GAPVD1: variants seen among roughly 807,000 people sequenced by gnomAD.
GAPVD1 encodes the protein GTPase activating protein and VPS9 domains 1, also known as GTPase-activating protein and VPS9 domain-containing protein 1.
A neutral mutation model predicts 155.5 loss-of-function variants in GAPVD1; 35 were observed. That is an observed-to-expected ratio of 0.23 (90% CI 0.17 to 0.30). The LOEUF (loss-of-function observed/expected upper bound fraction) is 0.30, where lower values mean the gene tolerates loss of function less well. GAPVD1 is among the 10% of genes least tolerant of loss of function. GAPVD1 has a pLI of 1.00. For synonymous variants in GAPVD1, 636 were observed against 619.7 expected (o/e 1.03, Z -0.39); for missense variants, 1,429 against 1,775.7 (o/e 0.80, Z 3.51).
chr9:125,298,978 T>C lies in GAPVD1; in HGVS notation c.57T>C (p.Tyr19=). 1.2e-6 allele frequency: 2 copies of C among 1,612,486 alleles called. No homozygotes were observed. The highest frequency in any genetic ancestry group is 1.7e-6 in the Non-Finnish European group (2 of 1,178,800). ...LAHHLKQERL[Y]VNSEKQLIQR... is the part of the protein sequence containing the mutation. ...ATCACCTCAAGCAGGAACGCTTATA[T>C]GTAAACTCTGAGAAACAGCTCATTC... Residue 19 remains tyrosine (Y), a synonymous_variant, in exon 4 of 28, where the codon TAT becomes TAC. Transcript: ENST00000297933.
chr9:125,356,009 A>G, intron 25 of GAPVD1, 152 bp downstream of exon 25: 1 of 619,752 alleles, frequency 1.6e-6, no homozygotes, highest in Middle Eastern at 4.2e-4. Flanking sequence ...TTACATGATC[A>G]CAAAGAATAA....
At chr9:125,305,371 GTT>G (rs34474690) in intron 6 of GAPVD1, among the ~76,000 whole-genome samples, 5,445 of 111,756 alleles carry the variant, frequency 0.049, 183 homozygotes, top group African/African-American at 0.17. Context: ...ATTTTAAAAA[GTT>G]TTTTTTTTTT....
In GAPVD1 at chr9:125,323,779, A is replaced by C; in HGVS notation, c.1733-19A>C. On this transcript the variant is annotated intron_variant, in intron 10 of 27. Coordinates refer to ENST00000297933, the MANE Select transcript of GAPVD1 (RefSeq NM_001282680.3). ...TGACTGTTTTAAAAAGATTGCTCAC[A>C]CTATAAACATTTCTCTAGGTCCTTC... is the stretch of plus-strand genomic sequence containing the variant. 1.2e-6 allele frequency: 2 copies of C among 1,613,010 alleles called. No individual in the cohort carries two copies. Among genetic ancestry groups the C allele is most frequent in the East Asian group, 2.2e-5 (1 of 44,848 alleles).
intron 19 of GAPVD1, chr9:125,346,521 G>C: frequency 4.7e-6 from 2 of 423,534 alleles, no homozygotes; most frequent in Non-Finnish European, 8.8e-6. Flanking sequence ...ACAGTGATTT[G>C]AGTGCAAACA....
chr9:125,262,193 G>A (rs1833034025), intron 1 of GAPVD1, among the ~76,000 whole-genome samples: 1 of 152,192 alleles, frequency 6.6e-6, no homozygotes, highest in African/African-American at 2.4e-5. Context: ...GCCTGGGGCT[G>A]AGGAGAGGGA....
rs1161661604 is a variant in GAPVD1 at position 125,293,852 on chromosome 9, TTATATATATATATATATATA to T, written c.-149-1573_-149-1554del. ...AAAAATATATATATAAAAATATATT[TTATATATATATATATATATA>T]TATATATATATATATATATATATAT... On this transcript the variant is annotated intron_variant, in intron 2 of 27. Coordinates refer to ENST00000297933, the MANE Select transcript of GAPVD1 (RefSeq NM_001282680.3). Among the ~76,000 whole-genome samples, 92 of 35,194 alleles carry T rather than the reference TTATATATATATATATATATA, an allele frequency of 2.6e-3. 3 individuals are homozygous for T. In the South Asian group the frequency reaches 0.027, roughly 10 times the overall value. 23.1% of individuals were successfully genotyped at this position (35,194 alleles called of 152,430 possible). A position where few individuals can be genotyped will look rare whatever the true frequency, so the allele number is the denominator to read the frequency against.
chr9:125,317,936 T>C (rs1843695683), intron 9 of GAPVD1, among the ~76,000 whole-genome samples: 1 of 152,174 alleles, frequency 6.6e-6, no homozygotes, highest in Admixed American at 6.5e-5. Context: ...ATCAGTGAAC[T>C]TGAAGATGGA....
At chr9:125,313,307 C>G (rs1262562992) in intron 9 of GAPVD1, among the ~76,000 whole-genome samples, 1 of 137,844 alleles carries the variant, frequency 7.3e-6, no homozygotes, top group African/African-American at 2.6e-5. Flanking sequence ...TTTTCTTTTT[C>G]TTTTTTTTTT....
intron 11 of GAPVD1, among the ~76,000 whole-genome samples, chr9:125,325,260 A>G (rs1759434): frequency 0.6 from 90,985 of 150,636 alleles, 29,583 homozygotes; most frequent in African/African-American, 0.87. Context: ...GGTGGCTCAT[A>G]CCTGTAATCC....
chr9:125,355,886 T>C, intron 25 of GAPVD1, 29 bp downstream of exon 25: 1 of 1,204,584 alleles, frequency 8.3e-7, no homozygotes, highest in Non-Finnish European at 1.2e-6. Flanking sequence ...AGTGCCTATG[T>C]GGAACTACAT....
intron 8 of GAPVD1, among the ~76,000 whole-genome samples, chr9:125,310,397 G>A (rs910182869): frequency 2.6e-4 from 40 of 152,072 alleles, no homozygotes; most frequent in African/African-American, 9.7e-4. Context: ...ATGTGAAGTT[G>A]ACTTTTGCTG....
chr9:125,312,415 A>G (rs1283602786), intron 8 of GAPVD1, 37 bp from the exon 9 acceptor site: 4 of 1,385,474 alleles, frequency 2.9e-6, no homozygotes, highest in Non-Finnish European at 3.9e-6. Flanking sequence ...TCATTTGTCT[A>G]TTTCTCTAAA....
chr9:125,356,592 T>C (rs529248014), intron 25 of GAPVD1, among the ~76,000 whole-genome samples: 2 of 152,190 alleles, frequency 1.3e-5, no homozygotes, highest in South Asian at 4.2e-4. Flanking sequence ...CCCAGGCTTA[T>C]GTGACAAGTG....
intron 1 of GAPVD1, among the ~76,000 whole-genome samples, chr9:125,266,605 G>A (rs77416219): frequency 0.027 from 4,057 of 151,634 alleles, 190 homozygotes; most frequent in East Asian, 0.23. Context: ...GAGCCACCGC[G>A]CGCAGCCCGT....
At chr9:125,362,370 A>C (rs1479573880) in intron 27 of GAPVD1, among the ~76,000 whole-genome samples, 1 of 152,186 alleles carries the variant, frequency 6.6e-6, no homozygotes, top group African/African-American at 2.4e-5. Flanking sequence ...AGGACTTGCA[A>C]GGATAGAAAC....
chr9:125,284,255 G>A lies in GAPVD1; in HGVS notation c.-149-11203G>A, dbSNP rs141653934. Among the ~76,000 whole-genome samples, 203 of 143,084 alleles carry A rather than the reference G, an allele frequency of 1.4e-3. No homozygotes were observed. In the Middle Eastern group the frequency reaches 0.016, roughly 11 times the overall value. The allele number at this position is 143,084 out of a possible 152,430, so 93.9% of individuals were successfully genotyped here. A position where few individuals can be genotyped will look rare whatever the true frequency, so the allele number is the denominator to read the frequency against. ...GCCGAAGTGCAGTGGTGCGATCTCA[G>A]CTTGCTGGAACTTCCACCTCCCAGG... On this transcript the variant is annotated intron_variant, in intron 2 of 27. Transcript: ENST00000297933.
intron 23 of GAPVD1, among the ~76,000 whole-genome samples, chr9:125,353,019 A>G (rs1242404589): frequency 6.6e-6 from 1 of 152,044 alleles, no homozygotes; most frequent in Non-Finnish European, 1.5e-5. Context: ...GAGACAGGAG[A>G]ATCGCTTGAA....
chr9:125,321,235 G>T (rs1209639070), intron 9 of GAPVD1, among the ~76,000 whole-genome samples, 198 bp from the exon 10 acceptor site: 1 of 152,190 alleles, frequency 6.6e-6, no homozygotes, highest in Non-Finnish European at 1.5e-5. Flanking sequence ...TAGGGTAATG[G>T]AAAGGCATGG....
chr9:125,306,526 A>G (rs1314152977), intron 6 of GAPVD1, among the ~76,000 whole-genome samples: 1 of 150,518 alleles, frequency 6.6e-6, no homozygotes, highest in African/African-American at 2.4e-5. Flanking sequence ...TTTTTTTGAG[A>G]CAGGGTCTCA....
Sources: gnomAD v4.1 joint callset for allele counts (sites outside exome capture counted in the v4.1 genomes callset) on GRCh38, gnomAD v4.1.1 for gene constraint, MANE v1.5 for transcripts, NCBI Gene and HGNC (gene_info 2026-07-23, HGNC 2026-07-21) for gene names.